Variants in CNKSR3 observed in about 807,000 individuals in gnomAD.
CNKSR3 encodes the protein connector enhancer of kinase suppressor of ras 3.
In CNKSR3, 36 loss-of-function variants were observed where a neutral mutation model predicts 67.7. That is an observed-to-expected ratio of 0.53 (90% confidence interval 0.41 to 0.70). The LOEUF is 0.70. Among genes scored for constraint, CNKSR3 ranks in the 30% least tolerant of loss-of-function variants. The pLI is 0.00. For missense variants in CNKSR3, 630 were observed against 695.2 expected (o/e 0.91, Z 1.05); for synonymous variants, 281 against 271.4 (o/e 1.04, Z -0.35).
rs577510323 is a variant in CNKSR3 at position 154,398,887 on chromosome 6, G to A, written c.*7467C>T. ...ACCTGAGGTCGGGAGTTCGAGACCA[G>A]CCTGACCAACACGAAGAAACCCCAT... On this transcript the variant is annotated 3_prime_UTR_variant, in exon 13 of 13. Transcript: ENST00000607772. 1 of 152,352 alleles carries A rather than the reference G, an allele frequency of 6.6e-6. No homozygotes were observed. The highest frequency in any genetic ancestry group is 2.1e-4 in the South Asian group (1 of 4,824). The allele number at this position is 152,352 out of a possible 1,614,324, so 9.4% of individuals were successfully genotyped here.
At chr6:154,484,620 G>A (rs750914255) in intron 1 of CNKSR3, among the ~76,000 whole-genome samples, 16 of 149,662 alleles carry the variant, frequency 1.1e-4, no homozygotes, top group South Asian at 2.1e-4. Context: ...AAGAATCGCC[G>A]GAACCCAGGA....
intron 4 of CNKSR3, among the ~76,000 whole-genome samples, chr6:154,438,956 T>A (rs965693262): frequency 7.9e-5 from 12 of 152,166 alleles, no homozygotes; most frequent in African/African-American, 2.9e-4. Flanking sequence ...GATTTTTTTA[T>A]TTAATCATCA....
intron 9 of CNKSR3, among the ~76,000 whole-genome samples, chr6:154,415,097 CAAA>C (rs1157415390): frequency 2.4e-4 from 8 of 33,224 alleles, no homozygotes; most frequent in African/African-American, 5.4e-4. Context: ...GACTCTGTCT[CAAA>C]AAAAAAAAAA....
chr6:154,508,692 A>G (rs1221683550), intron 1 of CNKSR3, among the ~76,000 whole-genome samples: 2 of 152,216 alleles, frequency 1.3e-5, no homozygotes, highest in African/African-American at 2.4e-5. Context: ...CCTAGTCACC[A>G]AGGCAGAAAC....
Position 154,400,009 on chromosome 6 carries a change from G to C in CNKSR3, c.*6345C>G, listed in dbSNP as rs765924997. The stretch of plus-strand genomic sequence containing the variant: ...CTGAATGTTTATGCTCCAGGCAAGA[G>C]GAGAGAAAATGATGAGAATATCCTT... On this transcript the variant is annotated 3_prime_UTR_variant, in exon 13 of 13. Coordinates refer to ENST00000607772, the MANE Select transcript of CNKSR3 (RefSeq NM_173515.4). 1 of 152,186 alleles carries C rather than the reference G, an allele frequency of 6.6e-6. No homozygotes were observed. Among genetic ancestry groups the C allele is most frequent in the Non-Finnish European group, 1.5e-5 (1 of 68,046 alleles). 9.4% of individuals were successfully genotyped at this position (152,186 alleles called of 1,614,324 possible).
At chr6:154,420,682 C>G (rs1432546542) in intron 9 of CNKSR3, among the ~76,000 whole-genome samples, 1 of 91,392 alleles carries the variant, frequency 1.1e-5, no homozygotes, top group Non-Finnish European at 2.0e-5. Context: ...GAGCGAGACT[C>G]CGTCTCAAAA....
chr6:154,407,889 A>AAAC (rs1554230773), intron 12 of CNKSR3, among the ~76,000 whole-genome samples: 22 of 151,378 alleles, frequency 1.5e-4, no homozygotes, highest in African/African-American at 3.6e-4. Flanking sequence ...AAAAAAAAAA[A>AAAC]AAAAAACCTA....
intron 9 of CNKSR3, among the ~76,000 whole-genome samples, chr6:154,415,169 T>C (rs1289713232): frequency 6.7e-6 from 1 of 149,388 alleles, no homozygotes; most frequent in Admixed American, 6.7e-5. Flanking sequence ...GTGCTACTAT[T>C]GACTAGGAGT....
In CNKSR3 at chr6:154,477,945, C is replaced by A. The variant is rs1786486913; in HGVS notation, c.53-27687G>T. Among the ~76,000 whole-genome samples the A allele has an allele frequency of 3.3e-5, 5 of 152,176 alleles. No homozygotes were observed. In the South Asian group the frequency reaches 8.3e-4, roughly 25 times the overall value. The stretch of plus-strand genomic sequence containing the variant: ...CACTCACCGCCAGGCACCAGGGGAG[C>A]CATCACAGAAGAACGTCCTGCTCTG... On this transcript the variant is annotated intron_variant, in intron 1 of 12. Transcript: ENST00000607772.
intron 5 of CNKSR3, among the ~76,000 whole-genome samples, chr6:154,431,440 CAAAAA>C (rs34060385): frequency 0.049 from 4,578 of 93,552 alleles, 82 homozygotes; most frequent in Middle Eastern, 0.12. Flanking sequence ...GAGACTCTGT[CAAAAA>C]AAAAAAAAAA....
At chr6:154,482,258 G>A (rs1786581117) in intron 1 of CNKSR3, among the ~76,000 whole-genome samples, 1 of 152,164 alleles carries the variant, frequency 6.6e-6, no homozygotes, top group Non-Finnish European at 1.5e-5. Flanking sequence ...AAGACTAAAT[G>A]TTTGTTTTAA....
chr6:154,456,398 A>C (rs1785954555), intron 1 of CNKSR3, among the ~76,000 whole-genome samples: 1 of 151,866 alleles, frequency 6.6e-6, no homozygotes, highest in African/African-American at 2.4e-5. Context: ...AAGACTTTTA[A>C]GAATCACAAG....
At chr6:154,407,682 G>C (rs1356755701) in intron 12 of CNKSR3, among the ~76,000 whole-genome samples, 3 of 151,804 alleles carry the variant, frequency 2.0e-5, no homozygotes, top group East Asian at 1.9e-4. Context: ...GAAATCCTGA[G>C]ACCAAGCAAT....
chr6:154,473,236 G>A (rs1428168622), intron 1 of CNKSR3, among the ~76,000 whole-genome samples: 2 of 152,188 alleles, frequency 1.3e-5, no homozygotes, highest in East Asian at 1.9e-4. Flanking sequence ...GCACACACAC[G>A]TTGAAAGGGG....
intron 9 of CNKSR3, among the ~76,000 whole-genome samples, chr6:154,419,569 C>T (rs988607629): frequency 3.9e-5 from 6 of 152,064 alleles, no homozygotes; most frequent in Non-Finnish European, 5.9e-5. Context: ...ATTAGTGGTG[C>T]CATTATGGAA....
chr6:154,422,379 G>C (rs1785163712), intron 9 of CNKSR3, 127 bp downstream of exon 9: 1 of 845,822 alleles, frequency 1.2e-6, no homozygotes, highest in Non-Finnish European at 1.9e-6. Context: ...ATAGGCAGGA[G>C]TATAGGATAA....
chr6:154,488,805 T>C (rs1055480915), intron 1 of CNKSR3, among the ~76,000 whole-genome samples: 2 of 152,122 alleles, frequency 1.3e-5, no homozygotes, highest in Admixed American at 6.5e-5. Context: ...AGCAGAAAAA[T>C]TGGGACTTTT....
chr6:154,454,102 C>CAGAG (rs1357528671), intron 1 of CNKSR3, among the ~76,000 whole-genome samples: 315 of 115,230 alleles, frequency 2.7e-3, no homozygotes, highest in African/African-American at 8.1e-3. Context: ...CACACACACA[C>CAGAG]ACAGAGAGAG....
chr6:154,421,054 T>C (rs1785134064), intron 9 of CNKSR3, among the ~76,000 whole-genome samples: 2 of 152,190 alleles, frequency 1.3e-5, no homozygotes, highest in African/African-American at 4.8e-5. Context: ...CACTCTGTCA[T>C]CCAGGCTGAA....
Sources: allele counts gnomAD v4.1 joint callset (sites outside exome capture counted in the v4.1 genomes callset), GRCh38; gene constraint gnomAD v4.1.1; transcripts MANE v1.5; gene names NCBI Gene and HGNC (gene_info 2026-07-23, HGNC 2026-07-21).